PCDHGA2: variants seen among roughly 807,000 people sequenced by gnomAD.
PCDHGA2 encodes the protein protocadherin gamma subfamily A, 2, also known as protocadherin gamma-A2.
Under a neutral mutation model 59.2 loss-of-function variants are expected in PCDHGA2, and 40 were observed. The ratio of observed to expected loss-of-function variants is 0.68; its 90% CI spans 0.52 to 0.88. The LOEUF is 0.88. Ranked by LOEUF, PCDHGA2 falls within the 40% of genes least tolerant of loss-of-function variation. The pLI, the probability that PCDHGA2 is intolerant of heterozygous loss-of-function variation, is 0.00. For synonymous variants in PCDHGA2, 560 were observed against 526.0 expected, an observed-to-expected ratio of 1.06 and a Z score of -0.89; for missense variants, 1,226 against 1,204.0, an observed-to-expected ratio of 1.02 and a Z score of -0.27.
intron 1 of PCDHGA2, chr5:141,361,092 C>T (rs377144808): frequency 6.2e-7 from 1 of 1,613,938 alleles, no homozygotes; most frequent in Non-Finnish European, 8.5e-7. Flanking sequence ...CTCTGAGTAT[C>T]GAAGCAAAAG....
chr5:141,344,141 T>G (rs1313821730), intron 1 of PCDHGA2: 2 of 1,614,024 alleles, frequency 1.2e-6, no homozygotes, highest in Non-Finnish European at 1.7e-6. Context: ...ACTCGGTGTC[T>G]GAGGAGCTAG....
Position 141,485,117 on chromosome 5 carries a change from G to A in PCDHGA2, c.2425-9690G>A. The A allele has an allele frequency of 3.0e-6, 4 of 1,326,200 alleles. No homozygotes were observed. The highest frequency in any genetic ancestry group is 4.3e-6 in the Non-Finnish European group (4 of 933,470). 82.2% of individuals were successfully genotyped at this position (1,326,200 alleles called of 1,614,324 possible). On this transcript the variant is annotated intron_variant, in intron 1 of 3. Transcript: ENST00000394576. The surrounding 1 kb of genome is among the most constrained non-coding windows in gnomAD (Gnocchi z 5.7). ...GTCTCCAGCTGCTGTGGCTGTTTGG[G>A]GCGGGTCGGCTTCATCCGCGTCTCA...
chr5:141,457,495 T>C (rs2098922394), intron 1 of PCDHGA2, among the ~76,000 whole-genome samples: 1 of 152,204 alleles, frequency 6.6e-6, no homozygotes, highest in Admixed American at 6.5e-5. Context: ...GTCTAAAATG[T>C]AGGCAAAAAG....
At chr5:141,405,156 T>C in intron 1 of PCDHGA2, 1 of 1,614,042 alleles carries the variant, frequency 6.2e-7, no homozygotes, top group Non-Finnish European at 8.5e-7. Flanking sequence ...TTGGCTGGTG[T>C]GCCCACCTCA....
chr5:141,350,210 T>C, intron 1 of PCDHGA2: 1 of 1,481,274 alleles, frequency 6.8e-7, no homozygotes, highest in Non-Finnish European at 9.0e-7. Flanking sequence ...TGCTGCCATT[T>C]CTTTTTGAAA....
chr5:141,353,416 C>T (rs1048151831), intron 1 of PCDHGA2, among the ~76,000 whole-genome samples: 1 of 152,076 alleles, frequency 6.6e-6, no homozygotes, highest in African/African-American at 2.4e-5. Flanking sequence ...TCATCAATTA[C>T]ATTCTAGTTT....
At chr5:141,453,185 C>T (rs2098757478) in intron 1 of PCDHGA2, among the ~76,000 whole-genome samples, 1 of 152,146 alleles carries the variant, frequency 6.6e-6, no homozygotes, top group South Asian at 2.1e-4. Flanking sequence ...ACAATCACAG[C>T]TCACTGCAGC....
intron 1 of PCDHGA2, among the ~76,000 whole-genome samples, chr5:141,482,811 C>T (rs1397161943): frequency 2.0e-5 from 3 of 152,164 alleles, no homozygotes; most frequent in Non-Finnish European, 4.4e-5. Context: ...GTGGCTCATG[C>T]CTGTAATCCT....
At chr5:141,382,798 A>C in intron 1 of PCDHGA2, 2 of 1,017,066 alleles carry the variant, frequency 2.0e-6, no homozygotes, top group Admixed American at 2.4e-5. Context: ...ATCCTGCTGG[A>C]TTCTGAGCTC....
At chr5:141,389,405 G>T (rs758428464) in intron 1 of PCDHGA2, 1 of 1,613,496 alleles carries the variant, frequency 6.2e-7, no homozygotes, top group South Asian at 1.1e-5. Context: ...CCATAAGCGC[G>T]GAGAGCGGGG....
chr5:141,375,820 C>T (rs62378422), intron 1 of PCDHGA2: 145,173 of 1,614,058 alleles, frequency 0.09, 7,179 homozygotes, highest in African/African-American at 0.18. Context: ...AGCTGGCGCC[C>T]CGCTCCGCAG....
chr5:141,464,419 A>C (rs2099083824), intron 1 of PCDHGA2, among the ~76,000 whole-genome samples: 1 of 151,658 alleles, frequency 6.6e-6, no homozygotes, highest in Non-Finnish European at 1.5e-5. Flanking sequence ...ATATATCTAT[A>C]TATATAGATA....
intron 1 of PCDHGA2, chr5:141,427,503 A>C (rs1317684577): frequency 6.9e-6 from 4 of 578,118 alleles, no homozygotes; most frequent in Non-Finnish European, 9.8e-6. Flanking sequence ...AACAGATGGG[A>C]CCCTGGATTG....
chr5:141,351,781 C>G (rs1758819657), intron 1 of PCDHGA2: 5 of 1,613,322 alleles, frequency 3.1e-6, no homozygotes, highest in African/African-American at 1.3e-5. Context: ...GCCCGCAGAG[C>G]GGGGTGGTGT....
rs1386904017 is a variant in PCDHGA2 at position 141,476,642 on chromosome 5, CG to C, written c.2425-18164del. On this transcript the variant is annotated intron_variant, in intron 1 of 3. Coordinates refer to ENST00000394576, the MANE Select transcript of PCDHGA2 (RefSeq NM_018915.4). The surrounding 1 kb of genome is among the most constrained non-coding windows in gnomAD (Gnocchi z 7.6). ...CTCTTTACAAACCTATGAGCTGAGC[CG>C]AAATGAATACTTTGCGCTTCGCGTG... The C allele has an allele frequency of 2.5e-6, 4 of 1,614,240 alleles. No homozygotes were observed.
intron 1 of PCDHGA2, chr5:141,398,504 T>C: frequency 6.2e-7 from 1 of 1,611,098 alleles, no homozygotes; most frequent in Admixed American, 1.7e-5. Flanking sequence ...ATCGAGGACA[T>C]TAATGACCAC....
intron 1 of PCDHGA2, among the ~76,000 whole-genome samples, chr5:141,347,325 T>C (rs996360835): frequency 3.3e-5 from 5 of 151,864 alleles, no homozygotes; most frequent in Non-Finnish European, 5.9e-5. Context: ...GCTAATTTGT[T>C]TTTGTTTTTG....
chr5:141,389,847 A>T (rs541124715), intron 1 of PCDHGA2: 1 of 1,614,066 alleles, frequency 6.2e-7, no homozygotes, highest in African/African-American at 1.3e-5. Flanking sequence ...ACTCTCGGCC[A>T]CTGCCACGTT....
chr5:141,473,763 G>A (rs1333191998), intron 1 of PCDHGA2, among the ~76,000 whole-genome samples: 1 of 152,204 alleles, frequency 6.6e-6, no homozygotes, highest in African/African-American at 2.4e-5. Context: ...ACTATGCAAA[G>A]GATTTGGTAT....
Sources: gnomAD v4.1 joint callset for allele counts (sites outside exome capture counted in the v4.1 genomes callset) on GRCh38, gnomAD v4.1.1 for gene constraint, Gnocchi (gnomAD v3.1) non-coding constraint, MANE v1.5 for transcripts, NCBI Gene and HGNC (gene_info 2026-07-23, HGNC 2026-07-21) for gene names.